Variants in IFT25 observed in about 807,000 individuals in gnomAD.
The protein encoded by IFT25 is intraflagellar transport protein 25 homolog.
chr1:53,919,194 C>G, the IFT25 span, among the ~76,000 whole-genome samples: 6 of 152,156 alleles, frequency 3.9e-5, no homozygotes, highest in African/African-American at 1.4e-4. Context: ...CTTGTTTTCA[C>G]TCTGAGCTTG....
chr1:53,935,116 C>A, the IFT25 span, among the ~76,000 whole-genome samples: 1 of 152,194 alleles, frequency 6.6e-6, no homozygotes, highest in Non-Finnish European at 1.5e-5. Context: ...GAGATCAAGA[C>A]CATCCTGGCC....
the IFT25 span, chr1:53,923,998 G>A: frequency 1.7e-6 from 2 of 1,143,274 alleles, no homozygotes; most frequent in Non-Finnish European, 2.6e-6. Context: ...AAATACATGA[G>A]AATAGCTATT....
the IFT25 span, among the ~76,000 whole-genome samples, chr1:53,942,652 C>A: frequency 1.1e-4 from 17 of 152,168 alleles, no homozygotes; most frequent in Admixed American, 4.6e-4. Context: ...ACTCTATCTG[C>A]CCCTAAAGGT....
At chr1:53,933,135 C>CTTTTTTTTT in the IFT25 span, among the ~76,000 whole-genome samples, 1 of 131,292 alleles carries the variant, frequency 7.6e-6, no homozygotes. Flanking sequence ...TCCTTTTTCT[C>CTTTTTTTTT]TTTTTTTTTT....
At chr1:53,912,302 G>A in the IFT25 span, among the ~76,000 whole-genome samples, 2 of 152,132 alleles carry the variant, frequency 1.3e-5, no homozygotes, top group East Asian at 1.9e-4. Context: ...TAGACCCCCG[G>A]CTTTCCAATT....
chr1:53,919,964 A>AT, the IFT25 span, among the ~76,000 whole-genome samples: 1 of 151,888 alleles, frequency 6.6e-6, no homozygotes, highest in Non-Finnish European at 1.5e-5. Flanking sequence ...TGGTTTTGTT[A>AT]TTTTTAACTT....
the IFT25 span, among the ~76,000 whole-genome samples, chr1:53,927,370 T>C: frequency 1.3e-5 from 2 of 152,210 alleles, no homozygotes; most frequent in African/African-American, 2.4e-5. Context: ...GGGTATATTC[T>C]TGGCTGCTGA....
At chr1:53,923,256 C>G in the IFT25 span, among the ~76,000 whole-genome samples, 1 of 151,944 alleles carries the variant, frequency 6.6e-6, no homozygotes, top group South Asian at 2.1e-4. Context: ...CTATTTTAAC[C>G]CTCATTTAGG....
chr1:53,922,475 C>T, the IFT25 span, among the ~76,000 whole-genome samples: 12 of 151,650 alleles, frequency 7.9e-5, no homozygotes, highest in African/African-American at 2.9e-4. Context: ...CCTCAGAATA[C>T]GCTACCCTGA....
At chr1:53,930,554 G>GTT in the IFT25 span, among the ~76,000 whole-genome samples, 217 of 149,260 alleles carry the variant, frequency 1.5e-3, 1 homozygote, top group African/African-American at 5.2e-3. Context: ...CATTCATGAG[G>GTT]TTTTTTTTTT....
chr1:53,942,690 A>G, the IFT25 span, among the ~76,000 whole-genome samples: 1 of 152,246 alleles, frequency 6.6e-6, no homozygotes, highest in Non-Finnish European at 1.5e-5. Context: ...GAGTTAAGGA[A>G]GTACCACATT....
chr1:53,939,288 G>C, the IFT25 span, among the ~76,000 whole-genome samples: 29 of 151,538 alleles, frequency 1.9e-4, no homozygotes, highest in African/African-American at 6.6e-4. Flanking sequence ...CTACTCAAGA[G>C]GCTGAGGCAG....
chr1:53,913,377 G>C, the IFT25 span, among the ~76,000 whole-genome samples: 1 of 152,156 alleles, frequency 6.6e-6, no homozygotes, highest in Non-Finnish European at 1.5e-5. Context: ...ACTCTTCAAA[G>C]AATCCTTGTT....
the IFT25 span, among the ~76,000 whole-genome samples, chr1:53,939,277 G>A: frequency 1.3e-5 from 2 of 151,258 alleles, no homozygotes; most frequent in Non-Finnish European, 2.9e-5. Flanking sequence ...TGTAGTCCCA[G>A]CTACTCAAGA....
At chr1:53,929,897 A>G in the IFT25 span, 8 of 1,273,496 alleles carry the variant, frequency 6.3e-6, no homozygotes, top group Middle Eastern at 2.8e-4. Context: ...TCCATGCTAT[A>G]AAGAAAAACT....
At chr1:53,929,856 C>T in the IFT25 span, 1 of 1,009,116 alleles carries the variant, frequency 9.9e-7, no homozygotes, top group Non-Finnish European at 1.3e-6. Context: ...CTCATAATCC[C>T]CATCCTTTCA....
chr1:53,926,593 G>T, the IFT25 span, among the ~76,000 whole-genome samples: 1 of 151,954 alleles, frequency 6.6e-6, no homozygotes. Context: ...TTTTTAATTG[G>T]TTTATTAAAA....
At chr1:53,912,747 T>C in the IFT25 span, among the ~76,000 whole-genome samples, 1 of 152,214 alleles carries the variant, frequency 6.6e-6, no homozygotes, top group Non-Finnish European at 1.5e-5. Context: ...GTTTTACAGT[T>C]GCTAGCCATA....
At chr1:53,930,085 GAAAC>G in the IFT25 span, 1 of 1,576,148 alleles carries the variant, frequency 6.3e-7, no homozygotes, top group East Asian at 2.3e-5. Flanking sequence ...CATGTTTGTG[GAAAC>G]AAATAATGAA....
Sources: allele counts gnomAD v4.1 joint callset (sites outside exome capture counted in the v4.1 genomes callset), GRCh38; gene constraint gnomAD v4.1.1; transcripts MANE v1.5; gene names NCBI Gene and HGNC (gene_info 2026-07-23, HGNC 2026-07-21).